Variants in GSG1L observed in about 807,000 individuals in gnomAD.
The protein encoded by GSG1L is GSG1 like.
In GSG1L, 24 loss-of-function variants were observed where a neutral mutation model predicts 42.1. That is an observed-to-expected ratio of 0.57 (90% CI 0.41 to 0.80). The LOEUF is 0.80. Among genes scored for constraint, GSG1L ranks in the 30% least tolerant of loss-of-function variants. The probability of loss-of-function intolerance (pLI) is 0.00; values close to 1 mark genes in which losing one functional copy is unlikely to be tolerated. For synonymous variants in GSG1L, 215 were observed against 203.5 expected, an observed-to-expected ratio of 1.06 and a Z score of -0.48; for missense variants, 445 against 472.2, an observed-to-expected ratio of 0.94 and a Z score of 0.53.
At chr16:27,817,610 C>T (rs562087138) in intron 5 of GSG1L, among the ~76,000 whole-genome samples, 2 of 152,236 alleles carry the variant, frequency 1.3e-5, no homozygotes, top group African/African-American at 2.4e-5. Context: ...CCACCCACCT[C>T]GGCCTCCTGA....
At chr16:28,041,689 A>T (rs412494) in intron 1 of GSG1L, among the ~76,000 whole-genome samples, 128,004 of 151,862 alleles carry the variant, frequency 0.84, 53,988 homozygotes, top group Admixed American at 0.9. Context: ...CATTTACTCA[A>T]AAATAGAGCA....
At position 27,912,286 on chromosome 16, in the gene GSG1L, G is replaced by A. The variant is rs1469622758; in HGVS notation, c.398-27648C>T. On this transcript the variant is annotated intron_variant, in intron 2 of 6. Transcript: ENST00000447459. ...CCTAGCACTTCAAGAGGCTGAGGCA[G>A]GAGGATCGCTTAAGCCCAGGAGTTT... is the stretch of plus-strand genomic sequence containing the variant. Among the ~76,000 whole-genome samples the A allele has an allele frequency of 2.0e-5, 3 of 152,186 alleles. No individual in the cohort carries two copies. In the East Asian group the frequency reaches 5.8e-4, roughly 29 times the overall value.
At chr16:27,916,721 T>C (rs1435753167) in intron 2 of GSG1L, among the ~76,000 whole-genome samples, 1 of 152,134 alleles carries the variant, frequency 6.6e-6, no homozygotes, top group Non-Finnish European at 1.5e-5. Flanking sequence ...TGACACTCAT[T>C]CTTTGTGTGT....
At chr16:28,031,416 G>A (rs914409303) in intron 1 of GSG1L, among the ~76,000 whole-genome samples, 1 of 149,016 alleles carries the variant, frequency 6.7e-6, no homozygotes, top group Non-Finnish European at 1.5e-5. Flanking sequence ...GGGATGGGAT[G>A]ATGGGATGGG....
chr16:27,821,676 G>A lies in GSG1L; in HGVS notation c.830+7113C>T, dbSNP rs576832136. ...AGCACTTTGGGAGGCAGAGGAGGGC[G>A]GATCCCGAGATCAGGAGATCACGAC... On this transcript the variant is annotated intron_variant, in intron 5 of 6. Transcript: ENST00000447459. Among the ~76,000 whole-genome samples the A allele has an allele frequency of 4.9e-4, 74 of 152,166 alleles. 1 individual carries two copies. The highest frequency in any genetic ancestry group is 8.4e-4 in the Non-Finnish European group (57 of 68,018).
rs548246280 is a variant in GSG1L, at chr16:27,902,614, T to A, written c.398-17976A>T. On this transcript the variant is annotated intron_variant, in intron 2 of 6. Transcript: ENST00000447459. Reference sequence around the variant, plus strand: ...GCTTTGGTCATCTGTATTCACTGACTCACTCATTAATTCACTTTCAGCAGG... The same window carrying A: ...GCTTTGGTCATCTGTATTCACTGACACACTCATTAATTCACTTTCAGCAGG... Among the ~76,000 whole-genome samples the A allele has an allele frequency of 2.6e-5, 4 of 152,108 alleles. No homozygotes were observed. The South Asian group carries it at 8.3e-4, about 32-fold the overall frequency.
intron 2 of GSG1L, among the ~76,000 whole-genome samples, chr16:27,915,755 C>T (rs1395183725): frequency 6.6e-6 from 1 of 152,060 alleles, no homozygotes; most frequent in Non-Finnish European, 1.5e-5. Context: ...CCACTGCACT[C>T]CAACCTGGGC....
At chr16:28,041,815 A>G (rs1268834578) in intron 1 of GSG1L, among the ~76,000 whole-genome samples, 1 of 152,170 alleles carries the variant, frequency 6.6e-6, no homozygotes, top group Non-Finnish European at 1.5e-5. Flanking sequence ...GCAACTCAAG[A>G]TGCAAAGCAC....
intron 3 of GSG1L, among the ~76,000 whole-genome samples, chr16:27,869,951 ATCTCTCTCTCTCCTTCTCTCTCTC>A (rs1450150875): frequency 0.024 from 857 of 35,916 alleles, 9 homozygotes; most frequent in Non-Finnish European, 0.03. Flanking sequence ...GTCTCCCTCC[ATCTCTCTCTCTCCTTCTCTCTCTC>A]TCTCTGTCTC....
rs1184251580 is a variant in GSG1L at position 28,059,452 on chromosome 16, G to A, written c.349+3624C>T. 6.6e-6 allele frequency among the ~76,000 whole-genome samples: 1 copy of A among 151,942 alleles called. No homozygotes were observed. Among genetic ancestry groups the A allele is most frequent in the Non-Finnish European group, 1.5e-5 (1 of 68,012 alleles). On this transcript the variant is annotated intron_variant, in intron 1 of 6. Transcript: ENST00000447459. The surrounding 1 kb of genome is among the most constrained non-coding windows in gnomAD (Gnocchi z 4.4). ...CTCCAGTCTCACCTCCCTCCTGCCAGCCTGGCAAGTCCCCCAAGACCCCTC... is the reference window on the plus strand; with the variant it reads ...CTCCAGTCTCACCTCCCTCCTGCCAACCTGGCAAGTCCCCCAAGACCCCTC...
At chr16:27,937,166 T>C (rs1451165128) in intron 2 of GSG1L, among the ~76,000 whole-genome samples, 1 of 152,088 alleles carries the variant, frequency 6.6e-6, no homozygotes, top group Non-Finnish European at 1.5e-5. Flanking sequence ...TCCAGGGACA[T>C]TTGTCTCAAT....
chr16:27,833,294 T>C (rs1181796263), intron 4 of GSG1L, among the ~76,000 whole-genome samples: 1 of 152,200 alleles, frequency 6.6e-6, no homozygotes, highest in Non-Finnish European at 1.5e-5. Context: ...CAAAAATTAG[T>C]TGGGCATATC....
chr16:28,005,176 C>T (rs551859304), intron 1 of GSG1L, among the ~76,000 whole-genome samples: 13 of 152,194 alleles, frequency 8.5e-5, no homozygotes, highest in African/African-American at 2.9e-4. Context: ...TGCAATGGTG[C>T]GATCTCAGCT....
intron 5 of GSG1L, among the ~76,000 whole-genome samples, chr16:27,827,925 TCATC>T (rs1168416050): frequency 1.3e-3 from 103 of 78,932 alleles, no homozygotes; most frequent in African/African-American, 3.9e-3. Flanking sequence ...CATCCACCAC[TCATC>T]CATCCATCCA....
At chr16:28,041,856 G>C (rs866275018) in intron 1 of GSG1L, among the ~76,000 whole-genome samples, 2 of 152,158 alleles carry the variant, frequency 1.3e-5, no homozygotes, top group East Asian at 3.9e-4. Context: ...TCGTGCCCTC[G>C]CTGGGCATCG....
chr16:27,806,127 A>C (rs1161258337), intron 6 of GSG1L, among the ~76,000 whole-genome samples: 1 of 151,998 alleles, frequency 6.6e-6, no homozygotes, highest in African/African-American at 2.4e-5. Context: ...CTCCAAACAC[A>C]TCCATCCCCT....
chr16:27,894,681 C>T (rs533885849), intron 2 of GSG1L, among the ~76,000 whole-genome samples: 2 of 152,196 alleles, frequency 1.3e-5, no homozygotes, highest in East Asian at 3.9e-4. Context: ...AGGGATGTAC[C>T]GGCGCTGGGA....
intron 5 of GSG1L, among the ~76,000 whole-genome samples, chr16:27,818,828 T>G (rs2083122586): frequency 6.6e-6 from 1 of 152,032 alleles, no homozygotes; most frequent in African/African-American, 2.4e-5. Flanking sequence ...TGAGTAAATA[T>G]CATCATGATA....
intron 1 of GSG1L, among the ~76,000 whole-genome samples, chr16:27,999,381 G>A (rs7199367): frequency 0.31 from 47,565 of 152,000 alleles, 9,732 homozygotes; most frequent in African/African-American, 0.58. Context: ...AGGCTTCAAG[G>A]GTTGCAGTGA....
Sources: allele counts gnomAD v4.1 joint callset (sites outside exome capture counted in the v4.1 genomes callset), GRCh38; gene constraint gnomAD v4.1.1; non-coding constraint Gnocchi (gnomAD v3.1); transcripts MANE v1.5; gene names NCBI Gene and HGNC (gene_info 2026-07-23, HGNC 2026-07-21).